Variants in FRAS1 observed in about 807,000 individuals in gnomAD.
FRAS1 encodes the protein Fraser extracellular matrix complex subunit 1.
A neutral mutation model predicts 435.2 loss-of-function variants in FRAS1; 290 were observed. The ratio of observed to expected loss-of-function variants is 0.67; its 90% CI spans 0.61 to 0.73. The LOEUF (loss-of-function observed/expected upper bound fraction) is 0.73, where lower values mean the gene tolerates loss of function less well. Among genes scored for constraint, FRAS1 ranks in the 30% least tolerant of loss-of-function variants. The probability of loss-of-function intolerance (pLI) is 0.00; values close to 1 mark genes in which losing one functional copy is unlikely to be tolerated. For missense variants in FRAS1, 4,860 were observed against 5,001.5 expected (o/e 0.97, Z 0.85); for synonymous variants, 1,800 against 1,851.0 (o/e 0.97, Z 0.71).
chr4:78,440,913 T>C (rs1734631900), intron 40 of FRAS1, among the ~76,000 whole-genome samples: 1 of 152,128 alleles, frequency 6.6e-6, no homozygotes, highest in Non-Finnish European at 1.5e-5. Context: ...AGATCCATCA[T>C]TGAATGGAGT....
At chr4:78,129,047 C>T (rs1378627835) in intron 2 of FRAS1, among the ~76,000 whole-genome samples, 1 of 152,134 alleles carries the variant, frequency 6.6e-6, no homozygotes, top group Admixed American at 6.5e-5. Context: ...TCAGGTTTGT[C>T]AAAGATCAGA....
rs1459489526 is a variant in FRAS1 at position 78,276,023 on chromosome 4, C to G, written c.982-2632C>G. ...GAGGCTTTGTTCATTTCTTTTTATT[C>G]TTTTTTCTCTAAACTTCCCTTCTCG... On this transcript the variant is annotated intron_variant, in intron 9 of 73. Transcript: ENST00000512123. Among the ~76,000 whole-genome samples the G allele has an allele frequency of 2.6e-5, 4 of 152,132 alleles. No individual in the cohort carries two copies. In the East Asian group the frequency reaches 7.7e-4, roughly 29 times the overall value.
chr4:78,482,336 T>C (rs906384937), intron 57 of FRAS1, 52 bp from the exon 58 acceptor site: 6 of 1,607,770 alleles, frequency 3.7e-6, no homozygotes, highest in African/African-American at 2.7e-5. Flanking sequence ...TCAAGGTAAA[T>C]GGGTGTTAGA....
intron 23 of FRAS1, among the ~76,000 whole-genome samples, chr4:78,371,292 T>C (rs530400477): frequency 1.4e-3 from 207 of 152,302 alleles, no homozygotes; most frequent in Non-Finnish European, 2.1e-3. Flanking sequence ...GCACGTGTAC[T>C]GTCTTGCACA....
intron 60 of FRAS1, among the ~76,000 whole-genome samples, chr4:78,499,310 A>G (rs1026880754): frequency 8.5e-5 from 13 of 152,194 alleles, no homozygotes; most frequent in African/African-American, 2.9e-4. Context: ...TGAAATTCAT[A>G]TCTCATGAAT....
intron 38 of FRAS1, among the ~76,000 whole-genome samples, chr4:78,434,224 G>A (rs1036897857): frequency 3.9e-5 from 6 of 152,218 alleles, no homozygotes; most frequent in Non-Finnish European, 8.8e-5. Context: ...TTAACTGGAA[G>A]AGAGTGATAC....
chr4:78,443,958 C>T (rs1301594465), intron 41 of FRAS1: 1 of 314,390 alleles, frequency 3.2e-6, no homozygotes, highest in Non-Finnish European at 6.2e-6. Flanking sequence ...AAGTGATTCT[C>T]CTACCTCAGC....
intron 70 of FRAS1, 72 bp downstream of exon 70, chr4:78,526,729 A>T: frequency 1.1e-6 from 1 of 932,106 alleles, no homozygotes; most frequent in Non-Finnish European, 1.6e-6. Context: ...ACTAAAATTT[A>T]TTTGTAACCC....
chr4:78,332,154 A>C (rs752799935), intron 18 of FRAS1, among the ~76,000 whole-genome samples: 4 of 152,184 alleles, frequency 2.6e-5, no homozygotes, highest in Non-Finnish European at 4.4e-5. Context: ...AGGCAGAAGA[A>C]TAGTAGCCTG....
intron 20 of FRAS1, among the ~76,000 whole-genome samples, chr4:78,347,333 C>G (rs181519969): frequency 6.6e-6 from 1 of 152,194 alleles, no homozygotes; most frequent in Non-Finnish European, 1.5e-5. Context: ...TCTCTTTCTG[C>G]TAGAGGGTCT....
intron 20 of FRAS1, among the ~76,000 whole-genome samples, chr4:78,362,515 C>G (rs1731112931): frequency 6.6e-6 from 1 of 152,216 alleles, no homozygotes; most frequent in Admixed American, 6.5e-5. Flanking sequence ...GGGCCTGCAG[C>G]CAAACCAGGC....
intron 2 of FRAS1, among the ~76,000 whole-genome samples, chr4:78,182,712 TA>T (rs1722072715): frequency 6.6e-6 from 1 of 151,882 alleles, no homozygotes. Flanking sequence ...ACCCCGTCTC[TA>T]CTAAGGATAC....
At chr4:78,164,372 GAATAT>G (rs1039109164) in intron 2 of FRAS1, among the ~76,000 whole-genome samples, 23 of 151,994 alleles carry the variant, frequency 1.5e-4, no homozygotes, top group African/African-American at 5.5e-4. Flanking sequence ...ACAGATTAAG[GAATAT>G]AATATAAGGA....
intron 31 of FRAS1, 87 bp downstream of exon 31, chr4:78,407,928 G>A: frequency 8.4e-7 from 1 of 1,187,964 alleles, no homozygotes. Context: ...GTAATTTTCT[G>A]CAGTTGACAG....
intron 61 of FRAS1, among the ~76,000 whole-genome samples, chr4:78,504,073 C>G (rs1376412225): frequency 4.6e-5 from 7 of 152,172 alleles, no homozygotes; most frequent in African/African-American, 1.7e-4. Flanking sequence ...ACACTGTGGT[C>G]TGAGAGACAG....
At chr4:78,368,551 A>G (rs1403831519) in intron 22 of FRAS1, among the ~76,000 whole-genome samples, 1 of 152,222 alleles carries the variant, frequency 6.6e-6, no homozygotes, top group African/African-American at 2.4e-5. Context: ...CACCTACAAT[A>G]TGACAGATAA....
At chr4:78,483,250 A>G (rs938552153) in intron 58 of FRAS1, among the ~76,000 whole-genome samples, 3 of 152,224 alleles carry the variant, frequency 2.0e-5, no homozygotes, top group African/African-American at 7.2e-5. Flanking sequence ...GAATATTGGC[A>G]GTATTGTAGG....
intron 2 of FRAS1, among the ~76,000 whole-genome samples, chr4:78,232,779 G>T (rs1488210465): frequency 6.6e-6 from 1 of 151,994 alleles, no homozygotes; most frequent in Non-Finnish European, 1.5e-5. Context: ...TTTTTGTGTG[G>T]GTAAACAAAC....
rs557952162 is a variant in FRAS1 at position 78,254,586 on chromosome 4, G to A, written c.470-656G>A. ...TGGGGAGTAGGTTGTCTGAGTTTGT[G>A]GGATTCTTTCTTAAGTCCTAAGAGG... is the stretch of plus-strand genomic sequence containing the variant. On this transcript the variant is annotated intron_variant, in intron 5 of 73. Coordinates refer to ENST00000512123, the MANE Select transcript of FRAS1 (RefSeq NM_025074.7). 3.9e-5 allele frequency among the ~76,000 whole-genome samples: 6 copies of A among 152,186 alleles called. No homozygotes were observed. The South Asian group carries it at 1.2e-3, about 32-fold the overall frequency.
Sources: gnomAD v4.1 joint callset for allele counts (sites outside exome capture counted in the v4.1 genomes callset) on GRCh38, gnomAD v4.1.1 for gene constraint, MANE v1.5 for transcripts, NCBI Gene and HGNC (gene_info 2026-07-23, HGNC 2026-07-21) for gene names.